Variants in TNIP3 observed in about 807,000 individuals in gnomAD.
TNIP3 encodes TNFAIP3 interacting protein 3.
Under a neutral mutation model 54.1 loss-of-function variants are expected in TNIP3, and 34 were observed. That is an observed-to-expected ratio of 0.63 (90% CI 0.48 to 0.84). TNIP3 has a LOEUF of 0.84. Ranked by LOEUF, TNIP3 falls within the 40% of genes least tolerant of loss-of-function variation. TNIP3 has a pLI of 0.00. For missense variants in TNIP3, 366 were observed against 387.6 expected (o/e 0.94, Z 0.47); for synonymous variants, 134 against 136.8 (o/e 0.98, Z 0.14).
intron 1 of TNIP3, among the ~76,000 whole-genome samples, chr4:121,162,705 G>A (rs1174854879): frequency 2.0e-5 from 3 of 152,202 alleles, no homozygotes; most frequent in Non-Finnish European, 2.9e-5. Flanking sequence ...CAAAGTCACC[G>A]TTAAGCTTGC....
At position 121,147,077 on chromosome 4, in the gene TNIP3, T is replaced by A; in HGVS notation, c.707A>T (p.Gln236Leu). ...EELQQINETS[Q>L]SQLNRLNSQI... ...GGAATTCAGCCTGTTCAACTGGGAT[T>A]GGGAAGTTTCATTAATTTGCTGTAG... is the stretch of plus-strand genomic sequence containing the variant. Residue 236 changes from glutamine (Q) to leucine (L), a missense_variant, in exon 7 of 11, where the codon CAA (glutamine) becomes CTA (leucine). By Grantham distance (113) the Gln-to-Leu change is moderately radical (BLOSUM62 -2). Transcript: ENST00000057513. 1 of 1,613,244 alleles carries A rather than the reference T, an allele frequency of 6.2e-7. No homozygotes were observed. Among genetic ancestry groups the A allele is most frequent in the African/African-American group, 1.3e-5 (1 of 74,992 alleles).
At chr4:121,226,140 G>T (rs1322273389) in intron 1 of TNIP3, among the ~76,000 whole-genome samples, 1 of 141,488 alleles carries the variant, frequency 7.1e-6, no homozygotes, top group Non-Finnish European at 1.5e-5. Flanking sequence ...AGAAAAACAG[G>T]CACAGTGAGA....
chr4:121,208,795 G>A (rs1726321022), intron 2 of TNIP3, among the ~76,000 whole-genome samples: 1 of 152,142 alleles, frequency 6.6e-6, no homozygotes, highest in Non-Finnish European at 1.5e-5. Flanking sequence ...AAGAATGACT[G>A]TCTCTTGTTA....
At chr4:121,220,289 T>C (rs916266895), upstream of TNIP3, among the ~76,000 whole-genome samples, 2 of 152,236 alleles carry the variant, frequency 1.3e-5, no homozygotes, top group Non-Finnish European at 2.9e-5. Flanking sequence ...TTAATGTCAC[T>C]GAAAATACAT....
chr4:121,171,795 A>T (rs1723975280), intron 3 of TNIP3, among the ~76,000 whole-genome samples: 1 of 152,092 alleles, frequency 6.6e-6, no homozygotes, highest in Non-Finnish European at 1.5e-5. Flanking sequence ...CAGTGATGCG[A>T]TCTTGGCTCA....
Position 121,153,366 on chromosome 4 carries a change from A to G in TNIP3, c.492+1185T>C, listed in dbSNP as rs114641771. On this transcript the variant is annotated intron_variant, in intron 5 of 10. Coordinates refer to ENST00000057513, the MANE Select transcript of TNIP3 (RefSeq NM_024873.6). The stretch of plus-strand genomic sequence containing the variant: ...GGTTTATATCTTTGTGTCTACATTT[A>G]GGGAAATTAACTAGACAATGTAAGA... Among the ~76,000 whole-genome samples the G allele has an allele frequency of 3.8e-3, 574 of 152,326 alleles. 4 individuals carry two copies. The highest frequency in any genetic ancestry group is 0.013 in the African/African-American group (553 of 41,584).
chr4:121,154,706 T>C, intron 4 of TNIP3, 27 bp from the exon 5 acceptor site: 1 of 1,576,480 alleles, frequency 6.3e-7, no homozygotes, highest in South Asian at 1.2e-5. Flanking sequence ...GAAAAGAAAA[T>C]AAAAGTCAGT....
chr4:121,160,953 C>CA (rs1401511682), intron 2 of TNIP3, among the ~76,000 whole-genome samples, 183 bp downstream of exon 2: 1 of 152,076 alleles, frequency 6.6e-6, no homozygotes, highest in Non-Finnish European at 1.5e-5. Context: ...ACTGAGACAA[C>CA]AAGTATGAAA....
At chr4:121,225,861 T>A (rs1727234315) in intron 1 of TNIP3, among the ~76,000 whole-genome samples, 1 of 152,080 alleles carries the variant, frequency 6.6e-6, no homozygotes, top group African/African-American at 2.4e-5. Flanking sequence ...ACTTTGCCTG[T>A]CTCTTCTACA....
chr4:121,182,931 T>A, intron 2 of TNIP3: 1 of 865,398 alleles, frequency 1.2e-6, no homozygotes, highest in Non-Finnish European at 1.7e-6. Flanking sequence ...AACTCTAATC[T>A]CATTATGTTT....
intron 2 of TNIP3, among the ~76,000 whole-genome samples, chr4:121,189,308 C>T (rs565161121): frequency 6.6e-6 from 1 of 152,102 alleles, no homozygotes; most frequent in Non-Finnish European, 1.5e-5. Flanking sequence ...TCAGGAAAGA[C>T]CCTGGAGAAC....
chr4:121,137,591 C>T lies in TNIP3; in HGVS notation c.946+1033G>A, dbSNP rs1728864396. 1.7e-5 allele frequency: 3 copies of T among 178,458 alleles called. No homozygotes were observed. In the Admixed American group the frequency reaches 1.7e-4, roughly 10 times the overall value. The allele number at this position is 178,458 out of a possible 1,614,324, so 11.1% of individuals were successfully genotyped here. ...AGATTGCGTATTGTACTTCAGCAGG[C>T]TCCATTCACATAGAGTACCATGATG... On this transcript the variant is annotated intron_variant, in intron 10 of 10. Coordinates refer to ENST00000057513, the MANE Select transcript of TNIP3 (RefSeq NM_024873.6).
At chr4:121,225,768 C>T (rs1009042018) in intron 1 of TNIP3, among the ~76,000 whole-genome samples, 2 of 152,168 alleles carry the variant, frequency 1.3e-5, no homozygotes, top group Non-Finnish European at 2.9e-5. Context: ...CTCACTCCTT[C>T]TCTACCTTGG....
At chr4:121,184,796 C>A (rs1299928437) in intron 2 of TNIP3, among the ~76,000 whole-genome samples, 1 of 152,160 alleles carries the variant, frequency 6.6e-6, no homozygotes, top group Admixed American at 6.5e-5. Context: ...AAAATATGGG[C>A]TACTGGGCCT....
intron 2 of TNIP3, among the ~76,000 whole-genome samples, chr4:121,196,638 G>C (rs751068526): frequency 6.6e-6 from 1 of 151,702 alleles, no homozygotes; most frequent in Non-Finnish European, 1.5e-5. Flanking sequence ...CAATTGCTTA[G>C]TAATATACAT....
rs1252217981 is a variant in TNIP3, at chr4:121,157,238, T to C, written c.219A>G (p.Ala73=). The C allele has an allele frequency of 2.5e-6, 4 of 1,614,148 alleles. No individual in the cohort carries two copies. Among genetic ancestry groups the C allele is most frequent in the Non-Finnish European group, 3.4e-6 (4 of 1,180,026 alleles). Residue 73 remains alanine, a synonymous_variant, in exon 4 of 11, where the codon GCA becomes GCG. Coordinates refer to ENST00000057513, the MANE Select transcript of TNIP3 (RefSeq NM_024873.6). The part of the protein sequence containing the change: ...SMKELYERKV[A]ELKTKLDAAE... ...CGGCGTCCAGTTTCGTCTTCAGCTC[T>C]GCTACCTGAGGAGGTCGTTCAAAGA...
chr4:121,132,808 G>T, intron 10 of TNIP3, 146 bp from the exon 11 acceptor site: 1 of 654,574 alleles, frequency 1.5e-6, no homozygotes, highest in Non-Finnish European at 2.6e-6. Context: ...AGTTTACACT[G>T]AGAAATCAAG....
chr4:121,162,942 G>C (rs1267881031), intron 1 of TNIP3, among the ~76,000 whole-genome samples: 1 of 152,152 alleles, frequency 6.6e-6, no homozygotes, highest in East Asian at 1.9e-4. Flanking sequence ...TGGGAGCCCA[G>C]ATGTGGAACA....
At chr4:121,198,860 T>C (rs1251846711) in intron 2 of TNIP3, among the ~76,000 whole-genome samples, 1 of 152,206 alleles carries the variant, frequency 6.6e-6, no homozygotes, top group Non-Finnish European at 1.5e-5. Flanking sequence ...TGAGCTGTCA[T>C]AAAATATACA....
Sources: allele counts gnomAD v4.1 joint callset (sites outside exome capture counted in the v4.1 genomes callset), GRCh38; gene constraint gnomAD v4.1.1; transcripts MANE v1.5; gene names NCBI Gene and HGNC (gene_info 2026-07-23, HGNC 2026-07-21).